The following CERT1 variants were observed in gnomAD, a reference collection of about 807,000 sequenced individuals.
The protein encoded by CERT1 is ceramide transfer protein.
Under a neutral mutation model 87.9 loss-of-function variants are expected in CERT1, and 31 were observed. The ratio of observed to expected loss-of-function variants is 0.35; its 90% CI spans 0.27 to 0.48. CERT1 has a LOEUF of 0.48. Among genes scored for constraint, CERT1 ranks in the 20% least tolerant of loss-of-function variants. The pLI, the probability that CERT1 is intolerant of heterozygous loss-of-function variation, is 0.99. For missense variants in CERT1, 487 were observed against 758.0 expected (o/e 0.64, Z 4.20); for synonymous variants, 289 against 250.9 (o/e 1.15, Z -1.44).
chr5:75,417,941 G>C (rs996779909), intron 6 of CERT1, among the ~76,000 whole-genome samples: 6 of 152,242 alleles, frequency 3.9e-5, no homozygotes, highest in Non-Finnish European at 7.3e-5. Flanking sequence ...CGGATCACCT[G>C]AAGCTGGGAG....
Position 75,511,301 on chromosome 5 carries a change from C to G in CERT1, c.-94G>C, listed in dbSNP as rs1767977695. ...CTCGGGGTGAAGGGTCGGGGGATGG[C>G]GAAGCGAAGAGTGCCCGCTCCGGTG... On this transcript the variant is annotated 5_prime_UTR_variant, in exon 1 of 17. Transcript: ENST00000643780. The G allele has an allele frequency of 6.4e-7, 1 of 1,558,220 alleles. No individual in the cohort carries two copies. The highest frequency in any genetic ancestry group is 2.4e-5 in the East Asian group (1 of 41,512).
chr5:75,437,785 AAG>A (rs1764158498), intron 3 of CERT1, among the ~76,000 whole-genome samples: 2 of 150,694 alleles, frequency 1.3e-5, no homozygotes, highest in Admixed American at 6.6e-5. Flanking sequence ...AAAAAAAAAA[AAG>A]AAAAAAGAAA....
At chr5:75,417,849 C>A (rs1218722252) in intron 6 of CERT1, among the ~76,000 whole-genome samples, 2 of 152,142 alleles carry the variant, frequency 1.3e-5, no homozygotes, top group Non-Finnish European at 2.9e-5. Flanking sequence ...ATGAAGTAAC[C>A]TCAAAGCTCA....
intron 2 of CERT1, among the ~76,000 whole-genome samples, chr5:75,468,582 T>C (rs988515477): frequency 1.3e-5 from 2 of 152,148 alleles, no homozygotes; most frequent in Non-Finnish European, 2.9e-5. Context: ...CCATCACTGC[T>C]GGATGATGAC....
At chr5:75,417,509 T>C (rs1763183952) in intron 6 of CERT1, among the ~76,000 whole-genome samples, 1 of 152,188 alleles carries the variant, frequency 6.6e-6, no homozygotes, top group African/African-American at 2.4e-5. Context: ...CTTTTACGTT[T>C]CAATTTTATC....
At chr5:75,396,489 G>A (rs1762259460) in intron 11 of CERT1, among the ~76,000 whole-genome samples, 1 of 152,076 alleles carries the variant, frequency 6.6e-6, no homozygotes, top group Admixed American at 6.5e-5. Flanking sequence ...CACTTTGGGA[G>A]GCCGAGGCGG....
At chr5:75,491,388 CA>C in intron 2 of CERT1, among the ~76,000 whole-genome samples, 1 of 152,250 alleles carries the variant, frequency 6.6e-6, no homozygotes. Flanking sequence ...GTTAGACATT[CA>C]GAAGTGTGTC....
chr5:75,386,806 C>T (rs755927524), intron 12 of CERT1, among the ~76,000 whole-genome samples: 1 of 152,192 alleles, frequency 6.6e-6, no homozygotes, highest in African/African-American at 2.4e-5. Context: ...GCTACCCAAA[C>T]TAGAAACTCT....
intron 3 of CERT1, 140 bp from the exon 4 acceptor site, chr5:75,426,618 A>C: frequency 1.7e-6 from 1 of 602,446 alleles, no homozygotes; most frequent in Non-Finnish European, 3.0e-6. Context: ...ATCCACTGAC[A>C]TAAGCAATGC....
At chr5:75,430,192 G>A (rs975230129) in intron 3 of CERT1, among the ~76,000 whole-genome samples, 1 of 152,206 alleles carries the variant, frequency 6.6e-6, no homozygotes, top group Non-Finnish European at 1.5e-5. Flanking sequence ...AGTTGCCAAA[G>A]TAAAATGGTC....
intron 14 of CERT1, among the ~76,000 whole-genome samples, 166 bp downstream of exon 14, chr5:75,384,476 C>G (rs1184326588): frequency 6.6e-6 from 1 of 152,222 alleles, no homozygotes; most frequent in Non-Finnish European, 1.5e-5. Context: ...CTGTTCTGAA[C>G]AAGTTGATAT....
chr5:75,502,735 A>G (rs1349893699), intron 2 of CERT1, among the ~76,000 whole-genome samples: 1 of 152,134 alleles, frequency 6.6e-6, no homozygotes, highest in Admixed American at 6.5e-5. Context: ...GCCACAAATT[A>G]TATTTTTTAT....
intron 2 of CERT1, among the ~76,000 whole-genome samples, chr5:75,465,853 G>C (rs573383393): frequency 1.2e-4 from 18 of 152,266 alleles, no homozygotes; most frequent in East Asian, 1.2e-3. Context: ...CAAGGAAAAG[G>C]GGGGGTAGAG....
chr5:75,398,037 T>C (rs1762328025), intron 11 of CERT1, among the ~76,000 whole-genome samples: 1 of 151,344 alleles, frequency 6.6e-6, no homozygotes, highest in African/African-American at 2.4e-5. Context: ...ATAAGTAAAA[T>C]TAAAAAAAAA....
chr5:75,486,265 T>C (rs929954581), intron 2 of CERT1, among the ~76,000 whole-genome samples: 13 of 152,070 alleles, frequency 8.5e-5, no homozygotes, highest in Admixed American at 7.9e-4. Flanking sequence ...GTCATTTAAA[T>C]TGATGCTGAG....
intron 1 of CERT1, among the ~76,000 whole-genome samples, chr5:75,510,573 A>G (rs1405806657): frequency 2.6e-5 from 4 of 152,194 alleles, no homozygotes; most frequent in Non-Finnish European, 5.9e-5. Context: ...ACTAAGGTAC[A>G]GGGTGAGGGA....
intron 3 of CERT1, among the ~76,000 whole-genome samples, chr5:75,440,172 G>A (rs1219082475): frequency 6.6e-6 from 1 of 152,048 alleles, no homozygotes; most frequent in Admixed American, 6.5e-5. Context: ...ACCAGATGGA[G>A]AGATATGAAA....
intron 2 of CERT1, among the ~76,000 whole-genome samples, chr5:75,462,389 G>C (rs1316129869): frequency 6.6e-6 from 1 of 152,172 alleles, no homozygotes; most frequent in Admixed American, 6.5e-5. Flanking sequence ...GTGCAACCTA[G>C]ATCCCTCGCA....
intron 2 of CERT1, among the ~76,000 whole-genome samples, chr5:75,501,115 G>A (rs1328200658): frequency 6.6e-6 from 1 of 151,982 alleles, no homozygotes; most frequent in Middle Eastern, 3.4e-3. Context: ...CAAAGAAGCT[G>A]AGACTACAGA....
Sources: allele counts gnomAD v4.1 joint callset (sites outside exome capture counted in the v4.1 genomes callset), GRCh38; gene constraint gnomAD v4.1.1; transcripts MANE v1.5; gene names NCBI Gene and HGNC (gene_info 2026-07-23, HGNC 2026-07-21).